FAM114A2: variants seen among roughly 807,000 people sequenced by gnomAD.
FAM114A2 encodes the protein protein FAM114A2.
FAM114A2 carries 53 observed loss-of-function variants against 58.4 expected under a neutral mutation model. The ratio of observed to expected loss-of-function variants is 0.91; its 90% CI spans 0.73 to 1.14. FAM114A2 has a LOEUF of 1.14. Ranked by LOEUF, FAM114A2 falls within the 50% of genes most tolerant of loss-of-function variation. The pLI, the probability that FAM114A2 is intolerant of heterozygous loss-of-function variation, is 0.00. For missense variants in FAM114A2, 601 were observed against 581.1 expected (o/e 1.03, Z -0.35); for synonymous variants, 228 against 211.4 (o/e 1.08, Z -0.68).
chr5:153,997,483 A>T (rs1173005024), intron 12 of FAM114A2, among the ~76,000 whole-genome samples: 2 of 152,200 alleles, frequency 1.3e-5, no homozygotes, highest in Non-Finnish European at 2.9e-5. Context: ...GAGGGAAACC[A>T]AACACAAAAT....
intron 8 of FAM114A2, among the ~76,000 whole-genome samples, chr5:154,019,022 C>T (rs991493424): frequency 1.9e-4 from 29 of 152,124 alleles, no homozygotes; most frequent in African/African-American, 6.3e-4. Flanking sequence ...CCACTCTCAC[C>T]ACTCCTCTTC....
intron 8 of FAM114A2, among the ~76,000 whole-genome samples, chr5:154,025,340 G>C (rs957063773): frequency 7.9e-5 from 12 of 151,592 alleles, no homozygotes; most frequent in Non-Finnish European, 1.5e-4. Flanking sequence ...AATGACACTA[G>C]TAGAGTCTGC....
chr5:154,005,984 A>C (rs994299563), intron 9 of FAM114A2, among the ~76,000 whole-genome samples: 2 of 152,192 alleles, frequency 1.3e-5, no homozygotes. Context: ...CCAGAATTTC[A>C]CTGTAGGGTT....
intron 9 of FAM114A2, among the ~76,000 whole-genome samples, chr5:154,008,998 C>T (rs1770525277): frequency 6.6e-6 from 1 of 152,120 alleles, no homozygotes; most frequent in Non-Finnish European, 1.5e-5. Flanking sequence ...TATAGGTGTA[C>T]ACGTGCACAT....
At chr5:154,002,630 C>T (rs1189865710) in intron 10 of FAM114A2, among the ~76,000 whole-genome samples, 2 of 152,190 alleles carry the variant, frequency 1.3e-5, no homozygotes, top group African/African-American at 4.8e-5. Flanking sequence ...GCAGCAGTTT[C>T]TGGGAACCTT....
At chr5:153,995,885 C>A (rs1184671126) in intron 12 of FAM114A2, among the ~76,000 whole-genome samples, 1 of 152,138 alleles carries the variant, frequency 6.6e-6, no homozygotes, top group African/African-American at 2.4e-5. Flanking sequence ...CTGCCATAGT[C>A]TAAGTACAGA....
At chr5:154,025,594 C>T (rs1418672971) in intron 8 of FAM114A2, among the ~76,000 whole-genome samples, 1 of 152,072 alleles carries the variant, frequency 6.6e-6, no homozygotes, top group Non-Finnish European at 1.5e-5. Context: ...GGGTGATTGG[C>T]CCTATGTCTT....
chr5:154,015,812 T>C (rs1771001637), intron 8 of FAM114A2, among the ~76,000 whole-genome samples: 2 of 151,880 alleles, frequency 1.3e-5, no homozygotes, highest in Non-Finnish European at 2.9e-5. Flanking sequence ...AGGTTAGTAA[T>C]TAAGCTAATC....
At chr5:154,000,032 T>A (rs958983460) in intron 11 of FAM114A2, among the ~76,000 whole-genome samples, 7 of 152,110 alleles carry the variant, frequency 4.6e-5, no homozygotes, top group African/African-American at 1.7e-4. Flanking sequence ...TTAAAAAAAA[T>A]GTCATTTGCA....
At chr5:154,005,167 G>C (rs576734343) in intron 9 of FAM114A2, among the ~76,000 whole-genome samples, 14 of 152,150 alleles carry the variant, frequency 9.2e-5, no homozygotes, top group Non-Finnish European at 1.6e-4. Context: ...CCAGTGTCCA[G>C]CACACTGTGA....
chr5:154,038,075 T>G (rs1267678188), intron 1 of FAM114A2, among the ~76,000 whole-genome samples: 1 of 152,042 alleles, frequency 6.6e-6, no homozygotes, highest in Non-Finnish European at 1.5e-5. Flanking sequence ...TACGTGGAAC[T>G]GCACTATTTA....
chr5:154,000,869 T>C (rs1397636255), intron 11 of FAM114A2, among the ~76,000 whole-genome samples: 2 of 152,198 alleles, frequency 1.3e-5, no homozygotes, highest in African/African-American at 2.4e-5. Context: ...AGTTAAAATA[T>C]GTATTAATTA....
At chr5:154,022,309 T>G (rs1392728627) in intron 8 of FAM114A2, among the ~76,000 whole-genome samples, 1 of 152,160 alleles carries the variant, frequency 6.6e-6, no homozygotes, top group East Asian at 1.9e-4. Flanking sequence ...CTAAAGAGCT[T>G]CTGCACAGCA....
At chr5:154,015,284 T>C (rs1259653283) in intron 8 of FAM114A2, among the ~76,000 whole-genome samples, 2 of 152,182 alleles carry the variant, frequency 1.3e-5, no homozygotes, top group African/African-American at 4.8e-5. Flanking sequence ...GCTGATGCTT[T>C]CTTGAAAGTG....
chr5:154,016,752 G>A (rs1230888447), intron 8 of FAM114A2, among the ~76,000 whole-genome samples: 2 of 151,376 alleles, frequency 1.3e-5, no homozygotes, highest in East Asian at 1.9e-4. Context: ...AGGCAACACA[G>A]CACAATGAAT....
chr5:154,010,442 T>A (rs1349998465), intron 9 of FAM114A2, among the ~76,000 whole-genome samples: 2 of 151,930 alleles, frequency 1.3e-5, no homozygotes, highest in East Asian at 3.9e-4. Flanking sequence ...CATAGGAGAG[T>A]GGGATAACAC....
intron 8 of FAM114A2, among the ~76,000 whole-genome samples, chr5:154,015,042 C>T (rs1438884996): frequency 6.6e-6 from 1 of 152,082 alleles, no homozygotes; most frequent in East Asian, 1.9e-4. Context: ...ACTTCCCTGA[C>T]AACCTGCATG....
intron 8 of FAM114A2, 162 bp downstream of exon 8, chr5:154,026,237 C>A (rs1313416969): frequency 2.2e-6 from 1 of 451,508 alleles, no homozygotes; most frequent in Non-Finnish European, 3.6e-6. Flanking sequence ...TAGTCAGGTG[C>A]AAGGCTGCAG....
chr5:154,011,590 TC>T, intron 8 of FAM114A2, among the ~76,000 whole-genome samples: 1 of 152,254 alleles, frequency 6.6e-6, no homozygotes, highest in East Asian at 1.9e-4. Flanking sequence ...TTAAGTGACT[TC>T]CCCAAGACTG....
Sources: allele counts gnomAD v4.1 joint callset (sites outside exome capture counted in the v4.1 genomes callset), GRCh38; gene constraint gnomAD v4.1.1; transcripts MANE v1.5; gene names NCBI Gene and HGNC (gene_info 2026-07-23, HGNC 2026-07-21).